The following CAMK1D variants were observed in gnomAD, a reference collection of about 807,000 sequenced individuals.
The protein encoded by CAMK1D is calcium/calmodulin dependent protein kinase ID, also known as calcium/calmodulin-dependent protein kinase type 1D.
Under a neutral mutation model 47.7 loss-of-function variants are expected in CAMK1D, and 9 were observed. The ratio of observed to expected loss-of-function variants is 0.19; its 90% confidence interval spans 0.11 to 0.33. The LOEUF is 0.33. CAMK1D is among the 10% of genes least tolerant of loss of function. The probability of loss-of-function intolerance (pLI) is 1.00; values close to 1 mark genes in which losing one functional copy is unlikely to be tolerated. For synonymous variants in CAMK1D, 184 were observed against 184.9 expected (o/e 0.99, Z 0.04); for missense variants, 291 against 488.7 (o/e 0.60, Z 3.81).
intron 7 of CAMK1D, among the ~76,000 whole-genome samples, chr10:12,815,743 T>A (rs74118627): frequency 6.6e-6 from 1 of 152,254 alleles, no homozygotes; most frequent in Non-Finnish European, 1.5e-5. Flanking sequence ...ATTGCAGTTT[T>A]CTGCTCCAGG....
chr10:12,791,224 C>T lies in CAMK1D; in HGVS notation c.632C>T (p.Ala211Val). The change falls in exon 6 of 11, where the codon GCC becomes GTC. Residue 211 changes from alanine to valine, a missense_variant. Transcript: ENST00000619168. ...AVDCWSIGVI[A>V]YILLCGYPPF... ...GACTGCTGGTCCATCGGAGTGATTG[C>T]CTACATCTTGTAAGTACTGCCTGCT... 1 of 1,614,086 alleles carries T rather than the reference C, an allele frequency of 6.2e-7. No individual in the cohort carries two copies. The highest frequency in any genetic ancestry group is 8.5e-7 in the Non-Finnish European group (1 of 1,179,952).
At chr10:12,527,214 A>G (rs994355974) in intron 1 of CAMK1D, among the ~76,000 whole-genome samples, 2 of 152,008 alleles carry the variant, frequency 1.3e-5, no homozygotes, top group Non-Finnish European at 2.9e-5. Context: ...GAAAAAAAGA[A>G]AAAAATTTCC....
At chr10:12,620,431 C>T (rs372162158) in intron 2 of CAMK1D, among the ~76,000 whole-genome samples, 30 of 152,184 alleles carry the variant, frequency 2.0e-4, no homozygotes, top group Admixed American at 8.5e-4. Flanking sequence ...CAGGATCTGA[C>T]GTTGCCGTCA....
intron 2 of CAMK1D, among the ~76,000 whole-genome samples, chr10:12,555,516 G>A (rs1317443758): frequency 2.0e-5 from 3 of 152,198 alleles, no homozygotes; most frequent in Non-Finnish European, 4.4e-5. Flanking sequence ...ATGATTGTAT[G>A]GAAGAGAATC....
At chr10:12,560,183 C>T (rs549465438) in intron 2 of CAMK1D, among the ~76,000 whole-genome samples, 1 of 152,232 alleles carries the variant, frequency 6.6e-6, no homozygotes, top group East Asian at 1.9e-4. Context: ...GGGAGGCTGG[C>T]CCTGTTCACT....
At chr10:12,461,328 G>A (rs540610617) in intron 1 of CAMK1D, among the ~76,000 whole-genome samples, 78 of 152,326 alleles carry the variant, frequency 5.1e-4, no homozygotes, top group Non-Finnish European at 9.1e-4. Flanking sequence ...AAGAAAGGAC[G>A]AAGGGCAGTT....
At chr10:12,392,247 A>G (rs1838761227) in intron 1 of CAMK1D, among the ~76,000 whole-genome samples, 1 of 152,148 alleles carries the variant, frequency 6.6e-6, no homozygotes, top group Non-Finnish European at 1.5e-5. Flanking sequence ...GGCTGCAGTG[A>G]GCCGAGATGG....
rs576780010 is a variant in CAMK1D at position 12,422,573 on chromosome 10, C to T, written c.92+72663C>T. On this transcript the variant is annotated intron_variant, in intron 1 of 10. Transcript: ENST00000619168. ...TGCAAGAGGCCTAGAGCTCTCCCCT[C>T]CAAAAAAGAGCTTGTAGAGAAATGG... Among the ~76,000 whole-genome samples the T allele has an allele frequency of 2.0e-5, 3 of 152,180 alleles. No homozygotes were observed. In the South Asian group the frequency reaches 6.2e-4, roughly 32 times the overall value.
At chr10:12,802,710 T>C (rs953401099) in intron 6 of CAMK1D, among the ~76,000 whole-genome samples, 1 of 152,134 alleles carries the variant, frequency 6.6e-6, no homozygotes, top group South Asian at 2.1e-4. Flanking sequence ...TTAGTAGAGA[T>C]GGGGTTTCAC....
chr10:12,562,069 G>C (rs1218550688), intron 2 of CAMK1D, among the ~76,000 whole-genome samples: 2 of 152,106 alleles, frequency 1.3e-5, no homozygotes, highest in African/African-American at 2.4e-5. Context: ...ATAATACTTT[G>C]ATCCTAGGTA....
intron 3 of CAMK1D, among the ~76,000 whole-genome samples, chr10:12,751,111 GATAAGATAAGATAAGAA>G (rs1835954295): frequency 9.5e-6 from 1 of 105,100 alleles, no homozygotes; most frequent in East Asian, 2.6e-4. Context: ...GATAAGATAA[GATAAGATAAGATAAGAA>G]GGCTTCAGAA....
chr10:12,806,432 G>A (rs1415042579), intron 6 of CAMK1D, among the ~76,000 whole-genome samples: 1 of 152,208 alleles, frequency 6.6e-6, no homozygotes, highest in African/African-American at 2.4e-5. Flanking sequence ...CCTCCCGGGA[G>A]CCTTCCCTGA....
chr10:12,648,784 A>G lies in CAMK1D; in HGVS notation c.225-17952A>G, dbSNP rs145980543. 1.0e-3 allele frequency among the ~76,000 whole-genome samples: 153 copies of G among 152,208 alleles called. 1 individual carries two copies. Among genetic ancestry groups the G allele is most frequent in the African/African-American group, 3.7e-3 (152 of 41,538 alleles). The stretch of plus-strand genomic sequence containing the variant: ...CCACACCCGGTCTCTCTTTTTATTT[A>G]ATCTTCACTTCAAAGATCCTTTTTT... On this transcript the variant is annotated intron_variant, in intron 2 of 10. Transcript: ENST00000619168.
Position 12,695,066 on chromosome 10 carries a change from A to AGATAGATAGATACCTAGGTAGATT in CAMK1D, c.299+28256_299+28257insGATAGATAGATACCTAGGTAGATT, listed in dbSNP as rs58711322. Among the ~76,000 whole-genome samples, 663 of 139,596 alleles carry AGATAGATAGATACCTAGGTAGATT rather than the reference A, an allele frequency of 4.7e-3. 2 individuals are homozygous for AGATAGATAGATACCTAGGTAGATT. Among genetic ancestry groups the AGATAGATAGATACCTAGGTAGATT allele is most frequent in the East Asian group, 0.015 (72 of 4,902 alleles). The allele number at this position is 139,596 out of a possible 152,430, so 91.6% of individuals were successfully genotyped here. ...TAGATAGATAGATAGATAGATAGATACATAGGTAGATACATAGATACATAG... is the reference window on the plus strand; with the variant it reads ...TAGATAGATAGATAGATAGATAGATAGATAGATAGATACCTAGGTAGATTCATAGGTAGATACATAGATACATAG... On this transcript the variant is annotated intron_variant, in intron 3 of 10. Transcript: ENST00000619168.
chr10:12,663,585 G>A (rs982399047), intron 2 of CAMK1D, among the ~76,000 whole-genome samples: 1 of 152,126 alleles, frequency 6.6e-6, no homozygotes, highest in Non-Finnish European at 1.5e-5. Context: ...CAGTGCATGA[G>A]TACCAGGAGG....
At chr10:12,566,712 A>G (rs1179350031) in intron 2 of CAMK1D, among the ~76,000 whole-genome samples, 1 of 152,232 alleles carries the variant, frequency 6.6e-6, no homozygotes, top group Non-Finnish European at 1.5e-5. Flanking sequence ...CCATACTTGC[A>G]GAGCCTCTTT....
intron 2 of CAMK1D, among the ~76,000 whole-genome samples, chr10:12,606,910 C>T (rs1185468014): frequency 6.6e-6 from 1 of 152,136 alleles, no homozygotes; most frequent in African/African-American, 2.4e-5. Flanking sequence ...TCACTGCAAC[C>T]TCCGCCTCCT....
At chr10:12,363,853 G>A (rs903392602) in intron 1 of CAMK1D, among the ~76,000 whole-genome samples, 2 of 151,788 alleles carry the variant, frequency 1.3e-5, no homozygotes, top group African/African-American at 4.8e-5. Context: ...TTATTCATTC[G>A]TGTGTTAATG....
intron 2 of CAMK1D, among the ~76,000 whole-genome samples, chr10:12,603,473 C>T (rs1588680385): frequency 6.6e-6 from 1 of 152,290 alleles, no homozygotes; most frequent in Non-Finnish European, 1.5e-5. Flanking sequence ...CTCTCCAGAA[C>T]CCATGACCAC....
Sources: gnomAD v4.1 joint callset for allele counts (sites outside exome capture counted in the v4.1 genomes callset) on GRCh38, gnomAD v4.1.1 for gene constraint, MANE v1.5 for transcripts, NCBI Gene and HGNC (gene_info 2026-07-23, HGNC 2026-07-21) for gene names.